UPF2: variants seen among roughly 807,000 people sequenced by gnomAD.
UPF2 encodes the protein UPF2 regulator of nonsense mediated mRNA decay.
UPF2 carries 17 observed loss-of-function variants against 141.4 expected under a neutral mutation model. The ratio of observed to expected loss-of-function variants is 0.12; its 90% CI spans 0.08 to 0.18. UPF2 has a LOEUF of 0.18. Among genes scored for constraint, UPF2 ranks in the 10% least tolerant of loss-of-function variants. The pLI, the probability that UPF2 is intolerant of heterozygous loss-of-function variation, is 1.00. For missense variants in UPF2, 1,152 were observed against 1,515.9 expected (o/e 0.76, Z 3.99); for synonymous variants, 540 against 498.0 (o/e 1.08, Z -1.12).
intron 1 of UPF2, among the ~76,000 whole-genome samples, chr10:12,041,880 T>C (rs1402316952): frequency 6.6e-6 from 1 of 152,120 alleles, no homozygotes. Context: ...TCGTTTCGTG[T>C]CGTGTAAGTC....
chr10:11,979,207 T>A lies in UPF2; in HGVS notation c.1845-42A>T. 1 of 1,438,356 alleles carries A rather than the reference T, an allele frequency of 7.0e-7. No homozygotes were observed. Among genetic ancestry groups the A allele is most frequent in the East Asian group, 2.3e-5 (1 of 43,056 alleles). 89.1% of individuals were successfully genotyped at this position (1,438,356 alleles called of 1,614,324 possible). ...TGATATGTGTCAAAGGAAAGACATATCAAAAATAATTCATTTTAAAATTTA... is the reference window on the plus strand; with the variant it reads ...TGATATGTGTCAAAGGAAAGACATAACAAAAATAATTCATTTTAAAATTTA... On this transcript the variant is annotated intron_variant, in intron 8 of 21. Coordinates refer to ENST00000357604, the MANE Select transcript of UPF2 (RefSeq NM_015542.4). The surrounding 1 kb of genome is among the most constrained non-coding windows in gnomAD (Gnocchi z 6.2).
chr10:12,031,313 G>C (rs1275657403), intron 2 of UPF2, among the ~76,000 whole-genome samples: 4 of 152,016 alleles, frequency 2.6e-5, no homozygotes, highest in Non-Finnish European at 4.4e-5. Flanking sequence ...AATTTGGAAA[G>C]GAACCAGAAG....
In UPF2 at chr10:11,921,270, A is replaced by C. The variant is rs796235762; in HGVS notation, c.*28T>G. On this transcript the variant is annotated 3_prime_UTR_variant, in exon 22 of 22. Coordinates refer to ENST00000357604, the MANE Select transcript of UPF2 (RefSeq NM_015542.4). This position sits in a 1 kb window ranked among gnomAD's most constrained non-coding sequence, Gnocchi z 5.9. ...CACTAACCACAACATCAGATACAGG[A>C]CCTAATGAAATGACACGTGCTGCTG... 1.2e-6 allele frequency: 2 copies of C among 1,614,082 alleles called. No individual in the cohort carries two copies. The highest frequency in any genetic ancestry group is 1.7e-6 in the Non-Finnish European group (2 of 1,179,980).
rs1349264210 is a variant in UPF2, at chr10:12,002,746, C to A, written c.1505-921G>T. Reference sequence around the variant, plus strand: ...AGAATAAAAAAGAAGAGAAACCAAACCTTAGCTAAATAAAACTGACAAAAT... The same window carrying A: ...AGAATAAAAAAGAAGAGAAACCAAAACTTAGCTAAATAAAACTGACAAAAT... On this transcript the variant is annotated intron_variant, in intron 5 of 21. Coordinates refer to ENST00000357604, the MANE Select transcript of UPF2 (RefSeq NM_015542.4). Among the ~76,000 whole-genome samples, 11 of 152,264 alleles carry A rather than the reference C, an allele frequency of 7.2e-5. No individual in the cohort carries two copies. The East Asian group carries it at 2.1e-3, about 29-fold the overall frequency.
At chr10:11,972,089 A>C (rs903622154) in intron 9 of UPF2, among the ~76,000 whole-genome samples, 1 of 151,622 alleles carries the variant, frequency 6.6e-6, no homozygotes, top group Non-Finnish European at 1.5e-5. Context: ...AAAACACACA[A>C]AAAAACACTC....
Position 12,000,293 on chromosome 10 carries a change from G to T in UPF2, c.1655-284C>A, listed in dbSNP as rs113816542. On this transcript the variant is annotated intron_variant, in intron 6 of 21. Coordinates refer to ENST00000357604, the MANE Select transcript of UPF2 (RefSeq NM_015542.4). Reference sequence around the variant, plus strand: ...ATGCAGTGTTATGGTAAATGTTATTGGTGTCTGCCCAGCATCCCTTCCCCC... The same window carrying T: ...ATGCAGTGTTATGGTAAATGTTATTTGTGTCTGCCCAGCATCCCTTCCCCC... Among the ~76,000 whole-genome samples, 250 of 152,244 alleles carry T rather than the reference G, an allele frequency of 1.6e-3. 1 individual carries two copies. Among genetic ancestry groups the T allele is most frequent in the African/African-American group, 5.6e-3 (231 of 41,562 alleles).
At position 12,042,470 on chromosome 10, in the gene UPF2, C is replaced by G. The variant is rs1242930125; in HGVS notation, c.-19+285G>C. Among the ~76,000 whole-genome samples the G allele has an allele frequency of 1.3e-5, 2 of 152,212 alleles. No homozygotes were observed. Among genetic ancestry groups the G allele is most frequent in the African/African-American group, 2.4e-5 (1 of 41,458 alleles). On this transcript the variant is annotated intron_variant, in intron 1 of 21. Transcript: ENST00000357604. This position sits in a 1 kb window ranked among gnomAD's most constrained non-coding sequence, Gnocchi z 5.5. ...CCCTCCACCGCGGGCTCCCCGCCTC[C>G]AGTCTCGAGGCCCGGCCCAGGCATG...
chr10:12,030,360 C>A (rs111657810), intron 2 of UPF2, among the ~76,000 whole-genome samples: 1 of 151,548 alleles, frequency 6.6e-6, no homozygotes, highest in African/African-American at 2.4e-5. Context: ...ATGGTGAAAC[C>A]CCGTCTCTAC....
Position 12,042,579 on chromosome 10 carries a change from G to T in UPF2, c.-19+176C>A, listed in dbSNP as rs1173028706. Among the ~76,000 whole-genome samples the T allele has an allele frequency of 6.6e-6, 1 of 152,166 alleles. No homozygotes were observed. Among genetic ancestry groups the T allele is most frequent in the African/African-American group, 2.4e-5 (1 of 41,448 alleles). ...TTGATGGGAGCCTCGGAGACAGGGG[G>T]TCTGAGGAGAACGACGCCGGACCCG... On this transcript the variant is annotated intron_variant, in intron 1 of 21. Transcript: ENST00000357604. The surrounding 1 kb of genome is among the most constrained non-coding windows in gnomAD (Gnocchi z 5.5).
At chr10:12,030,584 T>C (rs1834501670) in intron 2 of UPF2, among the ~76,000 whole-genome samples, 1 of 151,076 alleles carries the variant, frequency 6.6e-6, no homozygotes, top group African/African-American at 2.4e-5. Context: ...TATAAAAGAA[T>C]GCATTAAAAA....
chr10:12,023,453 T>C (rs553900369), intron 3 of UPF2, among the ~76,000 whole-genome samples: 1 of 146,416 alleles, frequency 6.8e-6, no homozygotes. Flanking sequence ...GGCGGGAAGA[T>C]CATGAGGTCA....
chr10:11,995,422 T>C (rs1205746210), intron 8 of UPF2, among the ~76,000 whole-genome samples: 1 of 152,220 alleles, frequency 6.6e-6, no homozygotes, highest in Non-Finnish European at 1.5e-5. Flanking sequence ...TGCTATGTGC[T>C]GGGTATAAAG....
chr10:12,019,298 G>A lies in UPF2; in HGVS notation c.1146-5114C>T, dbSNP rs756261738. ...AATATGTAAACAAATGAGGGTGACT[G>A]TAATAAAATGTTATTTATGAACACT... On this transcript the variant is annotated intron_variant, in intron 3 of 21. Transcript: ENST00000357604. This position sits in a 1 kb window ranked among gnomAD's most constrained non-coding sequence, Gnocchi z 4.5. Among the ~76,000 whole-genome samples the A allele has an allele frequency of 2.6e-5, 4 of 152,176 alleles. No individual in the cohort carries two copies. The highest frequency in any genetic ancestry group is 5.9e-5 in the Non-Finnish European group (4 of 68,036).
chr10:11,934,886 C>T (rs1416393771), intron 19 of UPF2, among the ~76,000 whole-genome samples: 1 of 152,194 alleles, frequency 6.6e-6, no homozygotes, highest in Non-Finnish European at 1.5e-5. Flanking sequence ...CTATGCCCGG[C>T]CACACACCAC....
At chr10:11,988,148 T>C (rs1833724455) in intron 8 of UPF2, among the ~76,000 whole-genome samples, 1 of 152,156 alleles carries the variant, frequency 6.6e-6, no homozygotes, top group Non-Finnish European at 1.5e-5. Context: ...ACTAAGCACA[T>C]GAAAAGATGC....
chr10:12,018,596 A>C (rs978021431), intron 3 of UPF2, among the ~76,000 whole-genome samples: 6 of 151,946 alleles, frequency 3.9e-5, no homozygotes, highest in African/African-American at 7.3e-5. Flanking sequence ...CAAAAAAAAA[A>C]CAAAAATTAG....
chr10:11,923,957 C>A lies in UPF2; in HGVS notation c.3810-2650G>T, dbSNP rs190905973. ...TTAGTAAGAGTCTAGAGAGTTAATA[C>A]GTATTTTAAAGTTTGAGAAGCATTG... On this transcript the variant is annotated intron_variant, in intron 21 of 21. Transcript: ENST00000357604. Among the ~76,000 whole-genome samples the A allele has an allele frequency of 3.3e-5, 5 of 152,230 alleles. No homozygotes were observed. The South Asian group carries it at 1.0e-3, about 32-fold the overall frequency.
At chr10:11,948,894 AG>A (rs2131179854) in intron 15 of UPF2, among the ~76,000 whole-genome samples, 1 of 152,334 alleles carries the variant, frequency 6.6e-6, no homozygotes, top group South Asian at 2.1e-4. Flanking sequence ...TTACCAAGTG[AG>A]ATTTAAAGAG....
chr10:12,009,396 GA>G (rs1375919042), intron 4 of UPF2, among the ~76,000 whole-genome samples: 5 of 152,002 alleles, frequency 3.3e-5, no homozygotes, highest in Admixed American at 1.3e-4. Context: ...GTATTAAAAT[GA>G]AAAAAATCTA....
Sources: gnomAD v4.1 joint callset for allele counts (sites outside exome capture counted in the v4.1 genomes callset) on GRCh38, gnomAD v4.1.1 for gene constraint, Gnocchi (gnomAD v3.1) non-coding constraint, MANE v1.5 for transcripts, NCBI Gene and HGNC (gene_info 2026-07-23, HGNC 2026-07-21) for gene names.